Variants in EEFSEC observed in about 807,000 individuals in gnomAD.
EEFSEC encodes the protein selenocysteine-specific elongation factor.
In EEFSEC, 43 loss-of-function variants were observed where a neutral mutation model predicts 42.1. The ratio of observed to expected loss-of-function variants is 1.02; its 90% CI spans 0.80 to 1.32. EEFSEC has a LOEUF of 1.32. Ranked by LOEUF, EEFSEC falls within the 40% of genes most tolerant of loss-of-function variation. The pLI is 0.00. For missense variants in EEFSEC, 745 were observed against 803.6 expected, an observed-to-expected ratio of 0.93 and a Z score of 0.88; for synonymous variants, 354 against 339.1, an observed-to-expected ratio of 1.04 and a Z score of -0.48.
chr3:128,390,077 C>T (rs547853415), intron 6 of EEFSEC, among the ~76,000 whole-genome samples: 7 of 152,344 alleles, frequency 4.6e-5, no homozygotes, highest in East Asian at 3.9e-4. Context: ...AAATTTTTCT[C>T]GTATCATCAC....
rs1576590511 is a variant in EEFSEC at position 128,263,931 on chromosome 3, A to G, written c.622-686A>G. Among the ~76,000 whole-genome samples the G allele has an allele frequency of 2.6e-5, 4 of 152,146 alleles. No homozygotes were observed. In the South Asian group the frequency reaches 8.3e-4, roughly 32 times the overall value. ...ACATCCCCTTGTTTCTTCTTCTTTC[A>G]CTTGTCATTCTCTCAGGCATGATGC... On this transcript the variant is annotated intron_variant, in intron 3 of 6. Coordinates refer to ENST00000254730, the MANE Select transcript of EEFSEC (RefSeq NM_021937.5).
At chr3:128,354,766 C>T (rs917536380) in intron 5 of EEFSEC, among the ~76,000 whole-genome samples, 2 of 152,054 alleles carry the variant, frequency 1.3e-5, no homozygotes, top group African/African-American at 4.8e-5. Context: ...ATTTTATAAC[C>T]AAAAGAAAGG....
intron 1 of EEFSEC, among the ~76,000 whole-genome samples, chr3:128,168,303 A>G (rs1334907887): frequency 6.6e-6 from 1 of 152,196 alleles, no homozygotes; most frequent in East Asian, 1.9e-4. Context: ...TTTGTTGACT[A>G]CATGACAAAA....
intron 1 of EEFSEC, among the ~76,000 whole-genome samples, chr3:128,208,218 G>T (rs1337578491): frequency 1.3e-5 from 2 of 152,216 alleles, no homozygotes; most frequent in Non-Finnish European, 2.9e-5. Flanking sequence ...GTGGCGGATG[G>T]TTGGACGGGA....
At chr3:128,233,607 T>C (rs2107870840) in intron 1 of EEFSEC, among the ~76,000 whole-genome samples, 1 of 152,364 alleles carries the variant, frequency 6.6e-6, no homozygotes, top group South Asian at 2.1e-4. Context: ...AAGATCACTT[T>C]ATTTTGTATT....
intron 6 of EEFSEC, among the ~76,000 whole-genome samples, chr3:128,379,358 T>G (rs2067747161): frequency 6.6e-6 from 1 of 152,248 alleles, no homozygotes; most frequent in South Asian, 2.1e-4. Flanking sequence ...ATCGAAGAAC[T>G]GTTACAACAG....
chr3:128,177,196 A>G (rs547182997), intron 1 of EEFSEC, among the ~76,000 whole-genome samples: 3 of 152,112 alleles, frequency 2.0e-5, no homozygotes, highest in African/African-American at 7.2e-5. Flanking sequence ...AATTTATATG[A>G]TTAAGTTTTG....
At chr3:128,377,696 A>G (rs757839216) in intron 6 of EEFSEC, among the ~76,000 whole-genome samples, 7 of 152,172 alleles carry the variant, frequency 4.6e-5, no homozygotes, top group Non-Finnish European at 1.0e-4. Flanking sequence ...TATGTAGGGT[A>G]TTTTCTTAAG....
the EEFSEC span, among the ~76,000 whole-genome samples, chr3:128,425,669 C>T: frequency 6.6e-6 from 1 of 152,250 alleles, no homozygotes; most frequent in African/African-American, 2.4e-5. Flanking sequence ...GCGGTGCTCC[C>T]AGTGACGGAA....
At position 128,203,966 on chromosome 3, in the gene EEFSEC, G is replaced by A. The variant is rs538358631; in HGVS notation, c.317-42870G>A. On this transcript the variant is annotated intron_variant, in intron 1 of 6. Coordinates refer to ENST00000254730, the MANE Select transcript of EEFSEC (RefSeq NM_021937.5). ...AGTTATTTATAGGAGTATTGTATTA[G>A]ATAGTTCTCTAAGTGGGCTGCAAAG... 2.0e-5 allele frequency among the ~76,000 whole-genome samples: 3 copies of A among 152,362 alleles called. No homozygotes were observed. In the South Asian group the frequency reaches 6.2e-4, roughly 32 times the overall value.
intron 1 of EEFSEC, among the ~76,000 whole-genome samples, chr3:128,225,681 C>T (rs2065900953): frequency 6.6e-6 from 1 of 152,256 alleles, no homozygotes; most frequent in Non-Finnish European, 1.5e-5. Flanking sequence ...CTCTCCATCT[C>T]TACTGCACTG....
chr3:128,389,022 A>C (rs1191926207), intron 6 of EEFSEC, among the ~76,000 whole-genome samples: 1 of 152,200 alleles, frequency 6.6e-6, no homozygotes, highest in Non-Finnish European at 1.5e-5. Context: ...AGCTGGGGCC[A>C]CCACCTGAAG....
At chr3:128,264,592 T>G (rs1254717047) in intron 3 of EEFSEC, 25 bp from the exon 4 acceptor site, 1 of 1,611,348 alleles carries the variant, frequency 6.2e-7, no homozygotes, top group Non-Finnish European at 8.5e-7. Context: ...CCCCACGGAC[T>G]GTGGCACCAG....
chr3:128,420,723 T>C, the EEFSEC span, among the ~76,000 whole-genome samples: 2 of 152,170 alleles, frequency 1.3e-5, no homozygotes, highest in South Asian at 4.1e-4. Context: ...AGGGGAGAAG[T>C]GGGGGCCCCA....
At chr3:128,259,001 C>T (rs1452059704) in intron 2 of EEFSEC, among the ~76,000 whole-genome samples, 4 of 152,160 alleles carry the variant, frequency 2.6e-5, no homozygotes, top group Non-Finnish European at 5.9e-5. Context: ...TAGCCTGTGG[C>T]CTGGAACAAG....
At chr3:128,168,745 G>T (rs1339646272) in intron 1 of EEFSEC, among the ~76,000 whole-genome samples, 1 of 152,244 alleles carries the variant, frequency 6.6e-6, no homozygotes, top group Non-Finnish European at 1.5e-5. Context: ...TAAGAGGGGA[G>T]GCCCTCTGGT....
chr3:128,333,473 C>A (rs1397663463), intron 4 of EEFSEC, among the ~76,000 whole-genome samples: 1 of 152,198 alleles, frequency 6.6e-6, no homozygotes, highest in Non-Finnish European at 1.5e-5. Context: ...AGAATATGTG[C>A]TTTAATGACA....
chr3:128,253,159 A>G (rs2066205451), intron 2 of EEFSEC, among the ~76,000 whole-genome samples: 1 of 152,220 alleles, frequency 6.6e-6, no homozygotes, highest in Non-Finnish European at 1.5e-5. Context: ...TATATTGCCC[A>G]AAAGGGTTTG....
chr3:128,421,421 A>G, the EEFSEC span, among the ~76,000 whole-genome samples: 32 of 152,318 alleles, frequency 2.1e-4, no homozygotes, highest in African/African-American at 7.5e-4. Context: ...GTGCAAGCTC[A>G]GAGTGGGGCC....
Sources: allele counts gnomAD v4.1 joint callset (sites outside exome capture counted in the v4.1 genomes callset), GRCh38; gene constraint gnomAD v4.1.1; transcripts MANE v1.5; gene names NCBI Gene and HGNC (gene_info 2026-07-23, HGNC 2026-07-21).